Variants in PPAT observed in about 807,000 individuals in gnomAD.
The protein encoded by PPAT is amidophosphoribosyltransferase.
In PPAT, 20 loss-of-function variants were observed where a neutral mutation model predicts 60.2. That is an observed-to-expected ratio of 0.33 (90% confidence interval 0.23 to 0.48). The LOEUF (loss-of-function observed/expected upper bound fraction) is 0.48, where lower values mean the gene tolerates loss of function less well. Among genes scored for constraint, PPAT ranks in the 20% least tolerant of loss-of-function variants. PPAT has a pLI of 0.99. For synonymous variants in PPAT, 194 were observed against 215.1 expected, an observed-to-expected ratio of 0.90 and a Z score of 0.86; for missense variants, 349 against 629.6, an observed-to-expected ratio of 0.55 and a Z score of 4.77.
chr4:56,418,149 T>C (rs1649576238), intron 1 of PPAT, among the ~76,000 whole-genome samples: 1 of 151,874 alleles, frequency 6.6e-6, no homozygotes, highest in Non-Finnish European at 1.5e-5. Context: ...AGATTATTTT[T>C]AATGCAAACA....
chr4:56,432,525 C>G (rs1311951861), intron 1 of PPAT, among the ~76,000 whole-genome samples: 8 of 75,368 alleles, frequency 1.1e-4, no homozygotes, highest in African/African-American at 3.8e-4. Context: ...GACCCTGTCT[C>G]AAAAAAAAAA....
At chr4:56,407,802 G>T in intron 1 of PPAT, 86 bp from the exon 2 acceptor site, 1 of 1,058,280 alleles carries the variant, frequency 9.4e-7, no homozygotes, top group Non-Finnish European at 1.5e-6. Context: ...TTCTCAACAA[G>T]CATCCATGAA....
chr4:56,424,663 C>T (rs1271300172), intron 1 of PPAT, among the ~76,000 whole-genome samples: 5 of 152,048 alleles, frequency 3.3e-5, no homozygotes, highest in Admixed American at 1.3e-4. Context: ...GAAGCATAAG[C>T]GAGAGAGGAT....
At chr4:56,411,322 A>G (rs977193896) in intron 1 of PPAT, among the ~76,000 whole-genome samples, 11 of 152,224 alleles carry the variant, frequency 7.2e-5, no homozygotes, top group Non-Finnish European at 2.9e-5. Context: ...CCTTTATTTA[A>G]TTTGCGTTTT....
rs1330387390 is a variant in PPAT, at chr4:56,396,956, A to C, written c.1237-217T>G. On this transcript the variant is annotated intron_variant, in intron 9 of 10. Transcript: ENST00000264220. The surrounding 1 kb of genome is among the most constrained non-coding windows in gnomAD (Gnocchi z 4.6). ...ATCCTACTTCTCATTTGATGTCTTT[A>C]CATTCCTAGAGCCACTTTTCTCTTG... The C allele has an allele frequency of 2.9e-6, 1 of 347,792 alleles. No homozygotes were observed. Among genetic ancestry groups the C allele is most frequent in the Non-Finnish European group, 5.1e-6 (1 of 196,002 alleles). 21.5% of individuals were successfully genotyped at this position (347,792 alleles called of 1,614,324 possible).
intron 1 of PPAT, among the ~76,000 whole-genome samples, chr4:56,412,984 G>C (rs570142664): frequency 7.0e-6 from 1 of 143,276 alleles, no homozygotes; most frequent in South Asian, 2.4e-4. Flanking sequence ...ACAATTAATG[G>C]TTCCATAATA....
chr4:56,398,709 C>G (rs1180870441), intron 9 of PPAT, among the ~76,000 whole-genome samples: 1 of 152,152 alleles, frequency 6.6e-6, no homozygotes, highest in South Asian at 2.1e-4. Context: ...CTCAGCCTCC[C>G]AAAGTGCTGG....
rs1716129348 is a variant in PPAT at position 56,402,173 on chromosome 4, T to C, written c.670A>G (p.Thr224Ala). The C allele has an allele frequency of 3.1e-6, 5 of 1,603,634 alleles. No homozygotes were observed. The highest frequency in any genetic ancestry group is 3.4e-6 in the Non-Finnish European group (4 of 1,172,046). The change falls in exon 6 of 11, where the codon ACA becomes GCA. Residue 224 changes from threonine (T) to alanine (A), a missense_variant. Physicochemically the swap from Thr to Ala is moderately conservative, Grantham distance 58. Around this residue, in one of 5 missense-constraint regions of PPAT, gnomAD observed 63 missense variants for 86.9 expected, o/e 0.73. Coordinates refer to ENST00000264220, the MANE Select transcript of PPAT (RefSeq NM_002703.5). ...VSDINDKEKKTSETEGWVVSS... is the reference protein window; with the variant it reads ...VSDINDKEKKASETEGWVVSS... ...ACCACCCATCCTTCTGTTTCTGATG[T>C]TTTTTTCTCTGTAAATCACAAATCA...
chr4:56,404,242 T>C (rs1223827913), intron 3 of PPAT: 1 of 260,182 alleles, frequency 3.8e-6, no homozygotes, highest in African/African-American at 2.2e-5. Flanking sequence ...GATTTGTGGG[T>C]CTGACATTTT....
chr4:56,401,588 T>C (rs546107546), intron 6 of PPAT, 107 bp from the exon 7 acceptor site: 42 of 998,594 alleles, frequency 4.2e-5, no homozygotes, highest in Middle Eastern at 2.5e-4. Context: ...AGAGAAACAA[T>C]TGATTCATTC....
At chr4:56,417,478 G>C (rs772559988) in intron 1 of PPAT, among the ~76,000 whole-genome samples, 38 of 152,034 alleles carry the variant, frequency 2.5e-4, no homozygotes, top group Non-Finnish European at 2.5e-4. Flanking sequence ...ACCATTAATT[G>C]TAATATTTAA....
At chr4:56,395,685 AAAAGG>A in intron 10 of PPAT, 137 bp from the exon 11 acceptor site, 1 of 622,374 alleles carries the variant, frequency 1.6e-6, no homozygotes, top group Non-Finnish European at 2.4e-6. Flanking sequence ...AAAAAAAAAA[AAAAGG>A]AAAAAAAATC....
chr4:56,411,215 T>C (rs1716447184), intron 1 of PPAT, among the ~76,000 whole-genome samples: 1 of 152,288 alleles, frequency 6.6e-6, no homozygotes, highest in South Asian at 2.1e-4. Context: ...CTAAAAATAG[T>C]TTAAGTTTTA....
intron 1 of PPAT, among the ~76,000 whole-genome samples, chr4:56,434,760 C>T (rs1042946621): frequency 1.3e-5 from 2 of 152,192 alleles, no homozygotes; most frequent in African/African-American, 2.4e-5. Flanking sequence ...AGATCTACTA[C>T]CAGTAGTCAT....
At chr4:56,419,810 G>A (rs1006185405) in intron 1 of PPAT, 1 of 984,674 alleles carries the variant, frequency 1.0e-6, no homozygotes, top group African/African-American at 1.7e-5. Context: ...CCAAGCTTCA[G>A]AAATTTGGAA....
At chr4:56,432,811 G>A in intron 1 of PPAT, among the ~76,000 whole-genome samples, 1 of 148,476 alleles carries the variant, frequency 6.7e-6, no homozygotes, top group Non-Finnish European at 1.5e-5. Flanking sequence ...AAATCAAGAA[G>A]ATAATATATA....
At chr4:56,413,165 T>A (rs568257019) in intron 1 of PPAT, among the ~76,000 whole-genome samples, 2 of 152,206 alleles carry the variant, frequency 1.3e-5, no homozygotes, top group East Asian at 3.9e-4. Context: ...TTGGTTTTGT[T>A]TTGTTTTGTT....
chr4:56,411,232 TAAG>T (rs780615757), intron 1 of PPAT, among the ~76,000 whole-genome samples: 24 of 152,198 alleles, frequency 1.6e-4, no homozygotes, highest in Non-Finnish European at 3.2e-4. Context: ...TTTAATTTTA[TAAG>T]AGTGGTAAAT....
At chr4:56,408,192 C>G (rs1183160155) in intron 1 of PPAT, 1 of 154,104 alleles carries the variant, frequency 6.5e-6, no homozygotes, top group African/African-American at 2.4e-5. Context: ...AATCCCAGCA[C>G]TTTGGGAGGC....
Sources: allele counts gnomAD v4.1 joint callset (sites outside exome capture counted in the v4.1 genomes callset), GRCh38; gene constraint gnomAD v4.1.1; regional missense constraint gnomAD v4.1.1; non-coding constraint Gnocchi (gnomAD v3.1); transcripts MANE v1.5; gene names NCBI Gene and HGNC (gene_info 2026-07-23, HGNC 2026-07-21).